ABCB11: variants seen among roughly 807,000 people sequenced by gnomAD.
ABCB11 encodes the protein ATP binding cassette subfamily B member 11.
A neutral mutation model predicts 148.0 loss-of-function variants in ABCB11; 95 were observed. The observed-to-expected ratio is 0.64, with a 90% CI of 0.54 to 0.76. ABCB11 has a LOEUF of 0.76. ABCB11 is among the 30% of genes least tolerant of loss of function. The pLI, the probability that ABCB11 is intolerant of heterozygous loss-of-function variation, is 0.00. For synonymous variants in ABCB11, 591 were observed against 555.4 expected (o/e 1.06, Z -0.90); for missense variants, 1,523 against 1,617.8 (o/e 0.94, Z 1.01).
At chr2:169,019,781 G>T (rs1267905490) in intron 1 of ABCB11, among the ~76,000 whole-genome samples, 2 of 152,142 alleles carry the variant, frequency 1.3e-5, no homozygotes, top group African/African-American at 4.8e-5. Flanking sequence ...TTTCTCATCA[G>T]CAATAGAGGC....
At chr2:168,953,214 G>T (rs1014753828) in intron 19 of ABCB11, among the ~76,000 whole-genome samples, 1 of 151,604 alleles carries the variant, frequency 6.6e-6, no homozygotes, top group African/African-American at 2.4e-5. Context: ...GTAAATGTCT[G>T]TTAAGTTTGA....
intron 1 of ABCB11, 36 bp from the exon 2 acceptor site, chr2:169,018,188 A>C (rs1695422731): frequency 6.4e-7 from 1 of 1,551,682 alleles, no homozygotes; most frequent in African/African-American, 1.4e-5. Context: ...TGCAATTATT[A>C]TCTCTTCTTT....
At chr2:168,959,158 G>T (rs1426799197) in intron 18 of ABCB11, among the ~76,000 whole-genome samples, 1 of 151,638 alleles carries the variant, frequency 6.6e-6, no homozygotes, top group Non-Finnish European at 1.5e-5. Context: ...GAAAGTCTGT[G>T]TCATGTCCAT....
At chr2:168,917,953 T>G (rs1046654594), downstream of ABCB11, among the ~76,000 whole-genome samples, 3 of 152,194 alleles carry the variant, frequency 2.0e-5, no homozygotes, top group Non-Finnish European at 2.9e-5. Context: ...CTCAGGATAT[T>G]TTTGATTACA....
chr2:168,980,937 T>C (rs1275280373), intron 10 of ABCB11, among the ~76,000 whole-genome samples: 1 of 152,164 alleles, frequency 6.6e-6, no homozygotes, highest in Admixed American at 6.5e-5. Flanking sequence ...TCTCCTCCTC[T>C]CTACCCTGTC....
At chr2:168,928,506 T>G (rs2105884860) in intron 25 of ABCB11, among the ~76,000 whole-genome samples, 1 of 152,294 alleles carries the variant, frequency 6.6e-6, no homozygotes, top group Non-Finnish European at 1.5e-5. Context: ...CTGCTTAAAA[T>G]GTTTGTAGAA....
Position 168,923,652 on chromosome 2 carries a change from T to A in ABCB11, c.3936A>T (p.Lys1312Asn). ...ELMAQKGAYY[K>N]LVTTGSPIS ...TGATGGGGGATCCAGTGGTGACTAG[T>A]TTGTAGTAGGCTCCTTTTTGGGCCA... The change falls in exon 28 of 28, where the codon AAA (lysine) becomes AAT (asparagine). Residue 1312 changes from lysine to asparagine, a missense_variant. Coordinates refer to ENST00000650372, the MANE Select transcript of ABCB11 (RefSeq NM_003742.4). 1 of 1,613,796 alleles carries A rather than the reference T, an allele frequency of 6.2e-7. No individual in the cohort carries two copies. Among genetic ancestry groups the A allele is most frequent in the South Asian group, 1.1e-5 (1 of 91,064 alleles).
At chr2:169,007,509 G>T (rs1695058485) in intron 5 of ABCB11, among the ~76,000 whole-genome samples, 1 of 152,172 alleles carries the variant, frequency 6.6e-6, no homozygotes, top group Non-Finnish European at 1.5e-5. Flanking sequence ...TTCTGGGAAG[G>T]CCTTAGGAAA....
At position 168,979,440 on chromosome 2, in the gene ABCB11, C is replaced by T. The variant is rs924322616; in HGVS notation, c.1197+426G>A. Among the ~76,000 whole-genome samples the T allele has an allele frequency of 4.6e-5, 7 of 152,032 alleles. No homozygotes were observed. In the East Asian group the frequency reaches 9.7e-4, roughly 21 times the overall value. On this transcript the variant is annotated intron_variant, in intron 11 of 27. Coordinates refer to ENST00000650372, the MANE Select transcript of ABCB11 (RefSeq NM_003742.4). ...CTGTCACATTGCCCTATTTTATTTC[C>T]TTTATTTACTTACCACTCTCTGCTA...
At chr2:168,947,791 A>G (rs926832040) in intron 19 of ABCB11, among the ~76,000 whole-genome samples, 30 of 151,704 alleles carry the variant, frequency 2.0e-4, no homozygotes, top group African/African-American at 6.8e-4. Flanking sequence ...GGATTTCATC[A>G]CCTAGATGCT....
At chr2:168,997,315 T>G (rs1468830344) in intron 5 of ABCB11, among the ~76,000 whole-genome samples, 7 of 152,110 alleles carry the variant, frequency 4.6e-5, no homozygotes, top group African/African-American at 1.7e-4. Context: ...TTATTAGCCC[T>G]GTCTTTTTGC....
chr2:168,993,664 T>G, intron 8 of ABCB11, 47 bp downstream of exon 8: 1 of 1,564,074 alleles, frequency 6.4e-7, no homozygotes, highest in Non-Finnish European at 8.7e-7. Context: ...TGGCTGTTTA[T>G]GAAGGCAAAT....
At chr2:168,924,863 G>T in intron 26 of ABCB11, 60 bp from the exon 27 acceptor site, 1 of 1,424,414 alleles carries the variant, frequency 7.0e-7, no homozygotes, top group Non-Finnish European at 9.5e-7. Context: ...GTGCTGTACT[G>T]AACTCATGTC....
intron 18 of ABCB11, among the ~76,000 whole-genome samples, chr2:168,962,723 C>T (rs1451595930): frequency 1.3e-5 from 2 of 151,804 alleles, no homozygotes; most frequent in East Asian, 3.9e-4. Context: ...CTATTAAACT[C>T]CTGCTCTTAT....
At position 168,993,694 on chromosome 2, in the gene ABCB11, CA is replaced by C; in HGVS notation, c.783+16del. ...GCAAATGTCTTCCCATGGAGAGATG[CA>C]AAAAGACATTCTTACCAGACCAATG... On this transcript the variant is annotated intron_variant, in intron 8 of 27. Coordinates refer to ENST00000650372, the MANE Select transcript of ABCB11 (RefSeq NM_003742.4). 1 of 1,602,254 alleles carries C rather than the reference CA, an allele frequency of 6.2e-7. No homozygotes were observed. The highest frequency in any genetic ancestry group is 8.5e-7 in the Non-Finnish European group (1 of 1,173,968).
rs1394513325 is a variant in ABCB11 at position 169,018,132 on chromosome 2, T to C, written c.-7A>G. The stretch of plus-strand genomic sequence containing the variant: ...GAATTACTGAGTCAGACATGGTAAT[T>C]GCAACCCACAGCCAACGACCCTATA... On this transcript the variant is annotated 5_prime_UTR_variant, in exon 2 of 28. Transcript: ENST00000650372. The C allele has an allele frequency of 1.2e-6, 2 of 1,613,462 alleles. No homozygotes were observed. The highest frequency in any genetic ancestry group is 1.7e-6 in the Non-Finnish European group (2 of 1,179,540).
intron 23 of ABCB11, 21 bp from the exon 24 acceptor site, chr2:168,932,554 A>G (rs560688473): frequency 1.2e-6 from 2 of 1,611,508 alleles, no homozygotes; most frequent in South Asian, 2.2e-5. Flanking sequence ...ACAGACACAC[A>G]GGAAGAGAGC....
rs1407743556 is a variant in ABCB11, at chr2:168,972,116, G to A, written c.1435-66C>T. On this transcript the variant is annotated intron_variant, in intron 13 of 27. Coordinates refer to ENST00000650372, the MANE Select transcript of ABCB11 (RefSeq NM_003742.4). Reference sequence around the variant, plus strand: ...TCAGGGTTCTGAATCATAATATTATGTCATACTTGACCAATGGGCAGAAAA... The same window carrying A: ...TCAGGGTTCTGAATCATAATATTATATCATACTTGACCAATGGGCAGAAAA... The A allele has an allele frequency of 3.4e-6, 5 of 1,462,124 alleles. No individual in the cohort carries two copies. The African/African-American group carries it at 4.2e-5, about 12-fold the overall frequency. The allele number at this position is 1,462,124 out of a possible 1,614,324, so 90.6% of individuals were successfully genotyped here.
Position 168,970,119 on chromosome 2 carries a change from T to A in ABCB11, c.1735A>T (p.Ile579Phe). Residue 579 changes from isoleucine (I) to phenylalanine (F), a missense_variant, in exon 15 of 28, where the codon ATT (isoleucine) becomes TTT (phenylalanine). By Grantham distance (21) the Ile-to-Phe change is conservative (BLOSUM62 0). Coordinates refer to ENST00000650372, the MANE Select transcript of ABCB11 (RefSeq NM_003742.4). ...IARALIRNPKILLLDMATSAL... is the reference protein window; with the variant it reads ...IARALIRNPKFLLLDMATSAL... Reference sequence around the variant, plus strand: ...GAGGTGGCCATGTCCAAAAGCAGAATCTTGGGATTTCGGATGAGGGCTCTG... The same window carrying A: ...GAGGTGGCCATGTCCAAAAGCAGAAACTTGGGATTTCGGATGAGGGCTCTG... 6.2e-7 allele frequency: 1 copy of A among 1,613,000 alleles called. No individual in the cohort carries two copies. Among genetic ancestry groups the A allele is most frequent in the Non-Finnish European group, 8.5e-7 (1 of 1,179,308 alleles).
Sources: allele counts gnomAD v4.1 joint callset (sites outside exome capture counted in the v4.1 genomes callset), GRCh38; gene constraint gnomAD v4.1.1; transcripts MANE v1.5; gene names NCBI Gene and HGNC (gene_info 2026-07-23, HGNC 2026-07-21).